INPP4B: variants seen among roughly 807,000 people sequenced by gnomAD.
The protein encoded by INPP4B is inositol polyphosphate-4-phosphatase type II B, also known as inositol polyphosphate 4-phosphatase type II.
Under a neutral mutation model 122.5 loss-of-function variants are expected in INPP4B, and 55 were observed. That is an observed-to-expected ratio of 0.45 (90% CI 0.36 to 0.56). INPP4B has a LOEUF of 0.56. Among genes scored for constraint, INPP4B ranks in the 20% least tolerant of loss-of-function variants. The pLI is 0.00. For missense variants in INPP4B, 1,000 were observed against 1,097.7 expected (o/e 0.91, Z 1.26); for synonymous variants, 403 against 388.7 (o/e 1.04, Z -0.43).
intron 9 of INPP4B, among the ~76,000 whole-genome samples, chr4:142,295,655 T>C (rs2636646): frequency 0.89 from 135,618 of 152,176 alleles, 60,521 homozygotes; most frequent in East Asian, 0.98. Flanking sequence ...GCAGGCGACA[T>C]GTGTCCTCTG....
At chr4:142,095,814 GTTGT>G (rs1445898713) in intron 23 of INPP4B, among the ~76,000 whole-genome samples, 3 of 152,122 alleles carry the variant, frequency 2.0e-5, no homozygotes, top group African/African-American at 4.8e-5. Context: ...TAACTAGATT[GTTGT>G]TTGTTTCTGT....
intron 16 of INPP4B, among the ~76,000 whole-genome samples, chr4:142,171,223 C>T (rs924615815): frequency 6.6e-6 from 1 of 151,762 alleles, no homozygotes; most frequent in African/African-American, 2.4e-5. Flanking sequence ...AAGTCTACAA[C>T]AGTAAACTCT....
intron 2 of INPP4B, among the ~76,000 whole-genome samples, chr4:142,643,418 TA>T (rs1426049945): frequency 2.0e-5 from 3 of 152,080 alleles, no homozygotes; most frequent in African/African-American, 7.2e-5. Context: ...AAGATGTGAA[TA>T]AAACAAAGTA....
At chr4:142,493,404 T>C (rs1332920949) in intron 2 of INPP4B, among the ~76,000 whole-genome samples, 1 of 152,114 alleles carries the variant, frequency 6.6e-6, no homozygotes, top group Non-Finnish European at 1.5e-5. Context: ...ACTATGCACC[T>C]AGAAAAGCCA....
At chr4:142,623,561 CT>C (rs1745476827) in intron 2 of INPP4B, among the ~76,000 whole-genome samples, 1 of 151,718 alleles carries the variant, frequency 6.6e-6, no homozygotes, top group South Asian at 2.1e-4. Context: ...TAATTCACTC[CT>C]TTTTTAAATT....
intron 18 of INPP4B, among the ~76,000 whole-genome samples, chr4:142,145,594 T>G (rs1810257857): frequency 6.6e-6 from 1 of 152,096 alleles, no homozygotes; most frequent in Admixed American, 6.6e-5. Context: ...ACACTGTTCT[T>G]TTTTCAAGGT....
chr4:142,544,899 T>A (rs34007357), intron 2 of INPP4B, among the ~76,000 whole-genome samples: 54,217 of 152,022 alleles, frequency 0.36, 10,586 homozygotes, highest in East Asian at 0.81. Flanking sequence ...CTGTTGAAGT[T>A]TTCAACCAGT....
intron 8 of INPP4B, among the ~76,000 whole-genome samples, chr4:142,307,626 A>AT: frequency 6.6e-6 from 1 of 152,324 alleles, no homozygotes; most frequent in African/African-American, 2.4e-5. Flanking sequence ...AATCAAAACA[A>AT]TTTTATAGTA....
chr4:142,444,245 G>A (rs531046701), intron 3 of INPP4B, among the ~76,000 whole-genome samples: 53 of 152,298 alleles, frequency 3.5e-4, no homozygotes, highest in African/African-American at 1.3e-3. Flanking sequence ...TAAGTTCCTT[G>A]TAGATTTTTG....
intron 5 of INPP4B, among the ~76,000 whole-genome samples, chr4:142,406,585 G>A (rs143618831): frequency 6.6e-6 from 1 of 152,166 alleles, no homozygotes; most frequent in Non-Finnish European, 1.5e-5. Context: ...CAAATAGCTA[G>A]GCAACACTGG....
At chr4:142,737,167 C>A (rs1191740657) in intron 1 of INPP4B, among the ~76,000 whole-genome samples, 1 of 152,046 alleles carries the variant, frequency 6.6e-6, no homozygotes, top group African/African-American at 2.4e-5. Flanking sequence ...AATCCTAAGC[C>A]AAAAGAACAA....
chr4:142,624,792 T>G (rs1055505973), intron 2 of INPP4B, among the ~76,000 whole-genome samples: 2 of 152,170 alleles, frequency 1.3e-5, no homozygotes, highest in Non-Finnish European at 2.9e-5. Context: ...CATGATCAAG[T>G]GGGCTTCATC....
intron 25 of INPP4B, among the ~76,000 whole-genome samples, chr4:142,065,381 A>G (rs957784478): frequency 6.6e-6 from 1 of 152,142 alleles, no homozygotes; most frequent in African/African-American, 2.4e-5. Context: ...TAAAGCCCAC[A>G]TGTACAAATA....
intron 2 of INPP4B, among the ~76,000 whole-genome samples, chr4:142,631,410 G>A (rs1202465004): frequency 6.6e-6 from 1 of 152,018 alleles, no homozygotes; most frequent in Admixed American, 6.6e-5. Flanking sequence ...AGAGGTAAAA[G>A]GATAAAAATG....
chr4:142,709,404 G>A (rs188703138), intron 2 of INPP4B, among the ~76,000 whole-genome samples: 6 of 152,228 alleles, frequency 3.9e-5, no homozygotes, highest in Non-Finnish European at 8.8e-5. Context: ...GAAATAATAT[G>A]GTTTAGATTT....
At chr4:142,456,223 G>T (rs1160130029) in intron 3 of INPP4B, among the ~76,000 whole-genome samples, 1 of 151,878 alleles carries the variant, frequency 6.6e-6, no homozygotes, top group Non-Finnish European at 1.5e-5. Flanking sequence ...AAGAAATATT[G>T]CCCAGAACAA....
chr4:142,311,466 AT>A (rs1241402186), intron 8 of INPP4B, among the ~76,000 whole-genome samples: 1 of 152,200 alleles, frequency 6.6e-6, no homozygotes, highest in Non-Finnish European at 1.5e-5. Context: ...CTAATAATAC[AT>A]AAAATGGTTG....
At chr4:142,203,326 A>T in intron 14 of INPP4B, among the ~76,000 whole-genome samples, 1 of 152,266 alleles carries the variant, frequency 6.6e-6, no homozygotes, top group Non-Finnish European at 1.5e-5. Context: ...GCTGTGAAAC[A>T]AAATAGTTGC....
At chr4:142,425,819 A>C (rs1807923280) in intron 5 of INPP4B, among the ~76,000 whole-genome samples, 1 of 151,992 alleles carries the variant, frequency 6.6e-6, no homozygotes, top group South Asian at 2.1e-4. Context: ...CTCCCAATAT[A>C]ATTTAGATGA....
Sources: allele counts gnomAD v4.1 joint callset (sites outside exome capture counted in the v4.1 genomes callset), GRCh38; gene constraint gnomAD v4.1.1; transcripts MANE v1.5; gene names NCBI Gene and HGNC (gene_info 2026-07-23, HGNC 2026-07-21).